The following CD101 variants were observed in gnomAD, a reference collection of about 807,000 sequenced individuals.
CD101 encodes the protein CD101 molecule, also known as immunoglobulin superfamily member 2.
CD101 carries 76 observed loss-of-function variants against 98.2 expected under a neutral mutation model. The observed-to-expected ratio is 0.77, with a 90% confidence interval of 0.64 to 0.94. The LOEUF (loss-of-function observed/expected upper bound fraction) is 0.94. Ranked by LOEUF, CD101 falls within the 40% of genes least tolerant of loss-of-function variation. The probability of loss-of-function intolerance (pLI) is 0.00; values close to 1 mark genes in which losing one functional copy is unlikely to be tolerated. For missense variants in CD101, 1,145 were observed against 1,218.8 expected (o/e 0.94, Z 0.90); for synonymous variants, 471 against 472.7 (o/e 1.00, Z 0.05).
In CD101 at chr1:117,019,689, GAC is replaced by G. The variant is rs1410009285; in HGVS notation, c.2017+1130_2017+1131del. 1.3e-5 allele frequency among the ~76,000 whole-genome samples: 2 copies of G among 152,024 alleles called. No individual in the cohort carries two copies. The highest frequency in any genetic ancestry group is 2.9e-5 in the Non-Finnish European group (2 of 68,018). On this transcript the variant is annotated intron_variant, in intron 6 of 9. Transcript: ENST00000682167. This position sits in a 1 kb window ranked among gnomAD's most constrained non-coding sequence, Gnocchi z 4.3. ...TCACAACTCCCACATTCATTATCTTGACCAATTTCTCTTCTGATCTCCAGACT... is the reference window on the plus strand; with the variant it reads ...TCACAACTCCCACATTCATTATCTTGCAATTTCTCTTCTGATCTCCAGACT...
intron 4 of CD101, among the ~76,000 whole-genome samples, chr1:117,015,870 G>A (rs577723570): frequency 6.6e-6 from 1 of 152,310 alleles, no homozygotes; most frequent in South Asian, 2.1e-4. Flanking sequence ...GGTCAAATAT[G>A]TTGCCCAGGG....
chr1:117,025,942 G>T, intron 8 of CD101, 38 bp downstream of exon 8: 1 of 1,565,222 alleles, frequency 6.4e-7, no homozygotes. Flanking sequence ...TCATGGTCAG[G>T]AGAATACATG....
intron 2 of CD101, among the ~76,000 whole-genome samples, 162 bp from the exon 3 acceptor site, chr1:117,011,388 C>G (rs941132616): frequency 6.6e-6 from 1 of 152,160 alleles, no homozygotes; most frequent in Non-Finnish European, 1.5e-5. Flanking sequence ...GCCAATGTTC[C>G]CAATGGCAAT....
rs1652898929 is a variant in CD101, at chr1:117,011,725, T to C, written c.600T>C (p.Ser200=). 6.2e-7 allele frequency: 1 copy of C among 1,614,118 alleles called. No homozygotes were observed. Among genetic ancestry groups the C allele is most frequent in the African/African-American group, 1.3e-5 (1 of 75,018 alleles). ...GGGSQATEII[S]LSKDFILVPG... is the part of the protein sequence containing the mutation. ...GAAGCCAAGCCACTGAGATTATTTC[T>C]CTCTCCAAAGATTTTATATTGGTCC... The change falls in exon 3 of 10, where the codon TCT becomes TCC. Residue 200 remains serine, a synonymous_variant. Coordinates refer to ENST00000682167, the MANE Select transcript of CD101 (RefSeq NM_001256106.3).
At chr1:117,029,192 A>AGTAGATACGACTGACAGTCC (rs1557778759) in intron 8 of CD101, among the ~76,000 whole-genome samples, 2 of 72,548 alleles carry the variant, frequency 2.8e-5, no homozygotes, top group Non-Finnish European at 5.3e-5. Flanking sequence ...AGAAAGAAAG[A>AGTAGATACGACTGACAGTCC]AAGAAAGAAA....
intron 5 of CD101, 100 bp downstream of exon 5, chr1:117,017,573 A>G (rs1653316490): frequency 1.7e-6 from 2 of 1,208,010 alleles, no homozygotes; most frequent in Non-Finnish European, 2.3e-6. Flanking sequence ...CAGTGATGGT[A>G]TGTGTACCCT....
At position 117,004,945 on chromosome 1, in the gene CD101, A is replaced by G. The variant is rs574520515; in HGVS notation, c.43+3085A>G. Among the ~76,000 whole-genome samples the G allele has an allele frequency of 2.2e-4, 34 of 152,228 alleles. No individual in the cohort carries two copies. Among genetic ancestry groups the G allele is most frequent in the Middle Eastern group, 3.4e-3 (1 of 294 alleles). ...GGAAGTCTAAGATCAAGGCACTGGC[A>G]GTTTGGTGTCAGTGAGGGCCTGTTC... On this transcript the variant is annotated intron_variant, in intron 1 of 9. Transcript: ENST00000682167. This position sits in a 1 kb window ranked among gnomAD's most constrained non-coding sequence, Gnocchi z 4.1.
chr1:117,004,210 G>T lies in CD101; in HGVS notation c.43+2350G>T, dbSNP rs373476350. ...GTTTGCATTCATGAAAAATAAAAAAGATTCCACTTAGTATGGATGGAAGCT... is the reference window on the plus strand; with the variant it reads ...GTTTGCATTCATGAAAAATAAAAAATATTCCACTTAGTATGGATGGAAGCT... On this transcript the variant is annotated intron_variant, in intron 1 of 9. Coordinates refer to ENST00000682167, the MANE Select transcript of CD101 (RefSeq NM_001256106.3). This position sits in a 1 kb window ranked among gnomAD's most constrained non-coding sequence, Gnocchi z 4.1. Among the ~76,000 whole-genome samples the T allele has an allele frequency of 2.6e-4, 40 of 152,260 alleles. No individual in the cohort carries two copies. The highest frequency in any genetic ancestry group is 9.6e-4 in the African/African-American group (40 of 41,552).
chr1:117,032,248 T>C (rs1366228454), intron 8 of CD101: 1 of 152,240 alleles, frequency 6.6e-6, no homozygotes, highest in Non-Finnish European at 1.5e-5. Context: ...TGATCTGTAC[T>C]TTGTATAGCA....
In CD101 at chr1:117,010,490, T is replaced by G. The variant is rs1174510461; in HGVS notation, c.424+260T>G. Among the ~76,000 whole-genome samples, 1 of 152,222 alleles carries G rather than the reference T, an allele frequency of 6.6e-6. No individual in the cohort carries two copies. The highest frequency in any genetic ancestry group is 1.5e-5 in the Non-Finnish European group (1 of 68,028). ...TTTCCCAAGGCCTTGTCCGCAGCTC[T>G]CCATAGGTTGCTAGTAGCAACAGCA... is the stretch of plus-strand genomic sequence containing the variant. On this transcript the variant is annotated intron_variant, in intron 2 of 9. Coordinates refer to ENST00000682167, the MANE Select transcript of CD101 (RefSeq NM_001256106.3). The surrounding 1 kb of genome is among the most constrained non-coding windows in gnomAD (Gnocchi z 5.2).
chr1:117,029,179 GAA>G (rs1385777833), intron 8 of CD101, among the ~76,000 whole-genome samples: 1 of 97,226 alleles, frequency 1.0e-5, no homozygotes, highest in African/African-American at 4.4e-5. Flanking sequence ...AAGAAAGAAA[GAA>G]AGAAAGAAAG....
At position 117,010,034 on chromosome 1, in the gene CD101, G is replaced by A; in HGVS notation, c.228G>A (p.Lys76=). 6.2e-7 allele frequency: 1 copy of A among 1,614,206 alleles called. No individual in the cohort carries two copies. Among genetic ancestry groups the A allele is most frequent in the Non-Finnish European group, 8.5e-7 (1 of 1,180,028 alleles). ...AGGAAGTCCAGATCATTAGCACCAA[G>A]GATGCTGCCTTCTCTTACGCAGTAT... The part of the protein sequence containing the change: ...PTQEVQIIST[K]DAAFSYAVYT... Residue 76 remains lysine (K), a synonymous_variant, in exon 2 of 10, where the codon AAG becomes AAA. Coordinates refer to ENST00000682167, the MANE Select transcript of CD101 (RefSeq NM_001256106.3). The surrounding 1 kb of genome is among the most constrained non-coding windows in gnomAD (Gnocchi z 5.2).
chr1:117,007,450 C>T (rs774157928), intron 1 of CD101, among the ~76,000 whole-genome samples: 2 of 152,082 alleles, frequency 1.3e-5, no homozygotes, highest in East Asian at 3.9e-4. Flanking sequence ...TGAGTTCAAG[C>T]GATTTTCTTG....
chr1:117,025,674 T>C lies in CD101; in HGVS notation c.2594T>C (p.Leu865Ser), dbSNP rs1653871553. ...TCTGGAAGTAAATTGCTGGTGCACT[T>C]GCAACATGATGGCTTGCTGGAGTAT... is the stretch of plus-strand genomic sequence containing the variant. ...ENSGSKLLVHLQHDGLLEYGE... is the reference protein window; with the variant it reads ...ENSGSKLLVHSQHDGLLEYGE... The change falls in exon 8 of 10, where the codon TTG becomes TCG. Residue 865 changes from leucine to serine, a missense_variant. Transcript: ENST00000682167. 3 of 1,614,182 alleles carry C rather than the reference T, an allele frequency of 1.9e-6. No homozygotes were observed. Among genetic ancestry groups the C allele is most frequent in the Non-Finnish European group, 8.5e-7 (1 of 1,180,040 alleles).
chr1:117,026,006 T>C, intron 8 of CD101, 102 bp downstream of exon 8: 2 of 1,289,320 alleles, frequency 1.6e-6, no homozygotes, highest in Non-Finnish European at 2.1e-6. Context: ...CTGAAGACAA[T>C]TTTCAGACTG....
At position 117,025,907 on chromosome 1, in the gene CD101, A is replaced by G. The variant is rs750175096; in HGVS notation, c.2824+3A>G. 1.9e-6 allele frequency: 3 copies of G among 1,600,136 alleles called. No individual in the cohort carries two copies. The highest frequency in any genetic ancestry group is 2.6e-6 in the Non-Finnish European group (3 of 1,169,850). ...GGTGCTCACGGTGCTGCCTTCAGGT[A>G]ACCAGGGGTTTATCTACCGCGAGCT... On this transcript the variant is annotated splice_donor_region_variant and intron_variant, in intron 8 of 9. Coordinates refer to ENST00000682167, the MANE Select transcript of CD101 (RefSeq NM_001256106.3).
chr1:117,029,021 A>C (rs1654142688), intron 8 of CD101, among the ~76,000 whole-genome samples: 1 of 151,590 alleles, frequency 6.6e-6, no homozygotes, highest in Admixed American at 6.6e-5. Flanking sequence ...TATGTTTTAG[A>C]GGGGAGAAAG....
rs778495321 is a variant in CD101, at chr1:117,018,531, A to G, written c.1988A>G (p.His663Arg). 5 of 1,605,932 alleles carry G rather than the reference A, an allele frequency of 3.1e-6. No individual in the cohort carries two copies. The South Asian group carries it at 5.5e-5, about 18-fold the overall frequency. The change falls in exon 6 of 10, where the codon CAC becomes CGC. Residue 663 changes from histidine (H) to arginine (R), a missense_variant. Physicochemically the swap from His to Arg is conservative, Grantham distance 29. Transcript: ENST00000682167. This position sits in a 1 kb window ranked among gnomAD's most constrained non-coding sequence, Gnocchi z 4.3. Reference protein sequence around the residue: ...NRPPRASAISHPLRIAVTLPE... With the variant: ...NRPPRASAISRPLRIAVTLPE... ...CCCCCGAGGGCTTCTGCCATCTCTC[A>G]CCCACTGAGGATAGCCGTCACTTTA...
chr1:117,018,757 A>G lies in CD101; in HGVS notation c.2017+197A>G, dbSNP rs1309524030. On this transcript the variant is annotated intron_variant, in intron 6 of 9. Transcript: ENST00000682167. This position sits in a 1 kb window ranked among gnomAD's most constrained non-coding sequence, Gnocchi z 4.3. ...GGTTGGCCATACTGGTTGTTAAAAC[A>G]TTGAAATACCTTCCATGCTGGCTAA... Among the ~76,000 whole-genome samples, 3 of 152,246 alleles carry G rather than the reference A, an allele frequency of 2.0e-5. No individual in the cohort carries two copies. In the East Asian group the frequency reaches 5.8e-4, roughly 29 times the overall value.
Sources: gnomAD v4.1 joint callset for allele counts (sites outside exome capture counted in the v4.1 genomes callset) on GRCh38, gnomAD v4.1.1 for gene constraint, Gnocchi (gnomAD v3.1) non-coding constraint, MANE v1.5 for transcripts, NCBI Gene and HGNC (gene_info 2026-07-23, HGNC 2026-07-21) for gene names.